Variants in ADCY1 observed in about 807,000 individuals in gnomAD.
The protein encoded by ADCY1 is adenylate cyclase type 1.
ADCY1 carries 28 observed loss-of-function variants against 105.4 expected under a neutral mutation model. That is an observed-to-expected ratio of 0.27 (90% CI 0.20 to 0.36). The LOEUF (loss-of-function observed/expected upper bound fraction) is 0.36. Among genes scored for constraint, ADCY1 ranks in the 10% least tolerant of loss-of-function variants. The pLI, the probability that ADCY1 is intolerant of heterozygous loss-of-function variation, is 1.00. For synonymous variants in ADCY1, 655 were observed against 623.8 expected (o/e 1.05, Z -0.75); for missense variants, 977 against 1,434.2 (o/e 0.68, Z 5.15).
rs1230390578 is a variant in ADCY1 at position 45,592,819 on chromosome 7, C to T, written c.700C>T (p.Leu234=). The T allele has an allele frequency of 6.2e-7, 1 of 1,614,086 alleles. No individual in the cohort carries two copies. The highest frequency in any genetic ancestry group is 1.3e-5 in the African/African-American group (1 of 74,938). ...VNMYGVFVRI[L]TERSQRKAFL... ...CATGTATGGGGTCTTTGTGCGGATT[C>T]TGACTGAGCGTTCACAGAGGAAGGC... is the stretch of plus-strand genomic sequence containing the variant. The change falls in exon 2 of 20, where the codon CTG becomes TTG. Residue 234 remains leucine (L), a synonymous_variant. Transcript: ENST00000297323.
chr7:45,580,083 AT>A (rs1170089998), intron 1 of ADCY1, among the ~76,000 whole-genome samples: 40 of 152,062 alleles, frequency 2.6e-4, no homozygotes, highest in Non-Finnish European at 1.3e-4. Context: ...AGCTTCCAGA[AT>A]TGCCCCTGTC....
At chr7:45,625,447 ATG>A (rs1175534041) in intron 4 of ADCY1, among the ~76,000 whole-genome samples, 4 of 152,130 alleles carry the variant, frequency 2.6e-5, no homozygotes, top group Non-Finnish European at 5.9e-5. Context: ...GCCTGTACAT[ATG>A]TGTGTGAGTG....
In ADCY1 at chr7:45,694,974, G is replaced by A. The variant is rs182979314; in HGVS notation, c.2454+8301G>A. 2.0e-4 allele frequency among the ~76,000 whole-genome samples: 31 copies of A among 152,348 alleles called. No individual in the cohort carries two copies. In the East Asian group the frequency reaches 4.6e-3, roughly 23 times the overall value. On this transcript the variant is annotated intron_variant, in intron 14 of 19. Coordinates refer to ENST00000297323, the MANE Select transcript of ADCY1 (RefSeq NM_021116.4). ...ATCAGTACTCAACTAGAGACTTGAA[G>A]AGACCAGAACACTGTGTCCTCTCTG...
Position 45,610,505 on chromosome 7 carries a change from T to C in ADCY1, c.908+8T>C. The C allele has an allele frequency of 6.2e-7, 1 of 1,611,324 alleles. No homozygotes were observed. Among genetic ancestry groups the C allele is most frequent in the Non-Finnish European group, 8.5e-7 (1 of 1,177,804 alleles). On this transcript the variant is annotated splice_region_variant and intron_variant, in intron 3 of 19. Coordinates refer to ENST00000297323, the MANE Select transcript of ADCY1 (RefSeq NM_021116.4). ...GAGGCACGACAATGTGAGGTAGGGCTGGTGCTGACCCGGCACAGCGGGGAG... is the reference window on the plus strand; with the variant it reads ...GAGGCACGACAATGTGAGGTAGGGCCGGTGCTGACCCGGCACAGCGGGGAG...
intron 4 of ADCY1, among the ~76,000 whole-genome samples, chr7:45,635,847 A>G (rs1029048367): frequency 1.3e-5 from 2 of 151,880 alleles, no homozygotes; most frequent in African/African-American, 4.8e-5. Context: ...CAATTAGGTC[A>G]ATTGGTTGAT....
intron 14 of ADCY1, among the ~76,000 whole-genome samples, chr7:45,696,203 C>T (rs1784877682): frequency 6.7e-6 from 1 of 149,578 alleles, no homozygotes; most frequent in Non-Finnish European, 1.5e-5. Context: ...CTTTGGGAGG[C>T]CGAGGCGGGC....
At chr7:45,594,375 G>A (rs1397895752) in intron 2 of ADCY1, among the ~76,000 whole-genome samples, 1 of 152,118 alleles carries the variant, frequency 6.6e-6, no homozygotes, top group African/African-American at 2.4e-5. Flanking sequence ...GAGGCATATA[G>A]CCTTATTTTG....
At chr7:45,661,200 G>A (rs1464354771) in intron 7 of ADCY1, among the ~76,000 whole-genome samples, 1 of 152,170 alleles carries the variant, frequency 6.6e-6, no homozygotes, top group African/African-American at 2.4e-5. Context: ...GTTTGAGGGT[G>A]AAAGGGGGTG....
intron 4 of ADCY1, among the ~76,000 whole-genome samples, chr7:45,644,638 G>T (rs1215210659): frequency 1.3e-5 from 2 of 152,108 alleles, no homozygotes; most frequent in Non-Finnish European, 2.9e-5. Flanking sequence ...GGCTGAACAT[G>T]CCTCTGAGCC....
chr7:45,610,758 GT>G (rs1793525145), intron 3 of ADCY1, among the ~76,000 whole-genome samples: 4 of 98,322 alleles, frequency 4.1e-5, no homozygotes, highest in South Asian at 3.5e-4. Context: ...TGATGGAGGT[GT>G]AGAGGTGATA....
At position 45,704,616 on chromosome 7, in the gene ADCY1, G is replaced by A. The variant is rs375192176; in HGVS notation, c.2817G>A (p.Lys939=). The change falls in exon 17 of 20, where the codon AAG becomes AAA. Residue 939 remains lysine (K), a splice_region_variant and synonymous_variant. Transcript: ENST00000297323. The part of the protein sequence containing the change: ...AVGLAPTSGT[K]AKKSISSHLS... ...GGCTAGCGCCCACCTCGGGGACCAA[G>A]GTGAGTGCAGCCTGGCGCTGCCTGC... The A allele has an allele frequency of 1.9e-6, 3 of 1,613,616 alleles. No individual in the cohort carries two copies. Among genetic ancestry groups the A allele is most frequent in the Non-Finnish European group, 2.5e-6 (3 of 1,179,798 alleles).
intron 19 of ADCY1, among the ~76,000 whole-genome samples, chr7:45,711,697 G>GTA (rs1785239294): frequency 8.1e-6 from 1 of 122,894 alleles, no homozygotes; most frequent in African/African-American, 3.1e-5. Context: ...ACACATATAT[G>GTA]TATATATACA....
rs1309752974 is a variant in ADCY1 at position 45,720,385 on chromosome 7, G to A, written c.*6390G>A. 2.0e-5 allele frequency: 3 copies of A among 151,698 alleles called. No individual in the cohort carries two copies. Among genetic ancestry groups the A allele is most frequent in the Non-Finnish European group, 4.4e-5 (3 of 68,042 alleles). The allele number at this position is 151,698 out of a possible 1,614,324, so 9.4% of individuals were successfully genotyped here. A position where few individuals can be genotyped will look rare whatever the true frequency, so the allele number is the denominator to read the frequency against. On this transcript the variant is annotated 3_prime_UTR_variant, in exon 20 of 20. Coordinates refer to ENST00000297323, the MANE Select transcript of ADCY1 (RefSeq NM_021116.4). ...AAAAAAATTAGCTGGGCGTGTTGGC[G>A]GGAGCCTGTAGTCCCAGCTACACGG...
rs3735670 is a variant in ADCY1 at position 45,685,260 on chromosome 7, G to A, written c.2073+192G>A. On this transcript the variant is annotated intron_variant, in intron 12 of 19. Transcript: ENST00000297323. ...GAGGAAAATGCAAATTCTCCCTGGTGAAAGGAGCCTGGCTTCTTCATACGG... is the reference window on the plus strand; with the variant it reads ...GAGGAAAATGCAAATTCTCCCTGGTAAAAGGAGCCTGGCTTCTTCATACGG... Among the ~76,000 whole-genome samples, 158 of 152,372 alleles carry A rather than the reference G, an allele frequency of 1.0e-3. 1 individual carries two copies. In the East Asian group the frequency reaches 0.028, roughly 27 times the overall value.
chr7:45,589,225 G>A (rs1420486550), intron 1 of ADCY1, among the ~76,000 whole-genome samples: 2 of 152,176 alleles, frequency 1.3e-5, no homozygotes, highest in African/African-American at 4.8e-5. Context: ...CATACTGGGA[G>A]ACCAGCAGCC....
At chr7:45,630,773 ATT>A (rs1474738422) in intron 4 of ADCY1, among the ~76,000 whole-genome samples, 1 of 152,110 alleles carries the variant, frequency 6.6e-6, no homozygotes, top group Non-Finnish European at 1.5e-5. Context: ...TGGTTTCCCT[ATT>A]TTAAGATCCT....
At chr7:45,595,105 T>C in intron 2 of ADCY1, among the ~76,000 whole-genome samples, 1 of 152,240 alleles carries the variant, frequency 6.6e-6, no homozygotes, top group East Asian at 1.9e-4. Context: ...GAGTAACATT[T>C]TTAGCAGTGT....
chr7:45,580,094 C>T (rs1370851421), intron 1 of ADCY1, among the ~76,000 whole-genome samples: 1 of 152,188 alleles, frequency 6.6e-6, no homozygotes, highest in African/African-American at 2.4e-5. Context: ...TTGCCCCTGT[C>T]AGGGCAGCTG....
rs1457415217 is a variant in ADCY1 at position 45,647,614 on chromosome 7, C to T, written c.1021-1056C>T. Among the ~76,000 whole-genome samples the T allele has an allele frequency of 1.3e-5, 2 of 152,166 alleles. No homozygotes were observed. Among genetic ancestry groups the T allele is most frequent in the East Asian group, 3.9e-4 (2 of 5,186 alleles). ...ACGGGCATCTGCAGAGATAGCACAG[C>T]ACGAAGGCTGGATGCAGAAGTGGGT... On this transcript the variant is annotated intron_variant, in intron 4 of 19. Transcript: ENST00000297323. This position sits in a 1 kb window ranked among gnomAD's most constrained non-coding sequence, Gnocchi z 4.6.
Sources: allele counts gnomAD v4.1 joint callset (sites outside exome capture counted in the v4.1 genomes callset), GRCh38; gene constraint gnomAD v4.1.1; non-coding constraint Gnocchi (gnomAD v3.1); transcripts MANE v1.5; gene names NCBI Gene and HGNC (gene_info 2026-07-23, HGNC 2026-07-21).